The following ST6GALNAC3 variants were observed in gnomAD, a reference collection of about 807,000 sequenced individuals.
ST6GALNAC3 encodes ST6 N-acetylgalactosaminide alpha-2,6-sialyltransferase 3, also known as alpha-N-acetylgalactosaminide alpha-2,6-sialyltransferase 3.
ST6GALNAC3 carries 25 observed loss-of-function variants against 32.7 expected under a neutral mutation model. The ratio of observed to expected loss-of-function variants is 0.76; its 90% CI spans 0.56 to 1.07. The LOEUF is 1.07. ST6GALNAC3 is among the 50% of genes least tolerant of loss of function. The probability of loss-of-function intolerance (pLI) is 0.00; values close to 1 mark genes in which losing one functional copy is unlikely to be tolerated. For missense variants in ST6GALNAC3, 355 were observed against 382.4 expected, an observed-to-expected ratio of 0.93 and a Z score of 0.60; for synonymous variants, 129 against 133.1, an observed-to-expected ratio of 0.97 and a Z score of 0.21.
At chr1:76,114,929 A>AG (rs1327145248) in intron 1 of ST6GALNAC3, among the ~76,000 whole-genome samples, 18 of 151,776 alleles carry the variant, frequency 1.2e-4, no homozygotes, top group South Asian at 4.1e-4. Flanking sequence ...AAAAAAAAAA[A>AG]AAAAAGAAAA....
At chr1:76,517,135 T>A (rs1233714973) in intron 3 of ST6GALNAC3, among the ~76,000 whole-genome samples, 1 of 151,866 alleles carries the variant, frequency 6.6e-6, no homozygotes, top group African/African-American at 2.4e-5. Context: ...TGATTAATAA[T>A]CATTAGGATT....
At chr1:76,129,247 G>A (rs905143837) in intron 1 of ST6GALNAC3, among the ~76,000 whole-genome samples, 9 of 152,300 alleles carry the variant, frequency 5.9e-5, no homozygotes, top group African/African-American at 2.2e-4. Context: ...TAACTTCCAA[G>A]TTAGAGTAAG....
chr1:76,500,283 T>C (rs1264266220), intron 3 of ST6GALNAC3, among the ~76,000 whole-genome samples: 2 of 152,210 alleles, frequency 1.3e-5, no homozygotes, highest in African/African-American at 2.4e-5. Flanking sequence ...TTCTGAGTCA[T>C]CTGATACATA....
At chr1:76,129,758 A>G (rs932381570) in intron 1 of ST6GALNAC3, among the ~76,000 whole-genome samples, 5 of 152,190 alleles carry the variant, frequency 3.3e-5, no homozygotes, top group Admixed American at 3.3e-4. Flanking sequence ...TGGTACCAGC[A>G]TTCACATGCA....
At chr1:76,283,504 A>T (rs991071756) in intron 1 of ST6GALNAC3, among the ~76,000 whole-genome samples, 1 of 152,198 alleles carries the variant, frequency 6.6e-6, no homozygotes, top group Admixed American at 6.5e-5. Context: ...GGAGGAAGGC[A>T]TGAGGGGTCA....
chr1:76,341,614 T>TTTCTTTCG, intron 2 of ST6GALNAC3, among the ~76,000 whole-genome samples: 1 of 95,936 alleles, frequency 1.0e-5, no homozygotes, highest in East Asian at 3.3e-4. Context: ...CTTTTCTTTC[T>TTTCTTTCG]TTCTTTCTTT....
chr1:76,378,768 A>C (rs1270477334), intron 2 of ST6GALNAC3, among the ~76,000 whole-genome samples: 2 of 152,078 alleles, frequency 1.3e-5, no homozygotes, highest in African/African-American at 4.8e-5. Flanking sequence ...ATCTTAGGCT[A>C]TTGTAACCAT....
In ST6GALNAC3 at chr1:76,556,408, A is replaced by G. The variant is rs1339602095; in HGVS notation, c.624-71044A>G. ...GGATAAATACCTGCCTGTGAGTGGA[A>G]TTGCTGGTGCTTATACTAACTCTAT... On this transcript the variant is annotated intron_variant, in intron 3 of 4. Coordinates refer to ENST00000328299, the MANE Select transcript of ST6GALNAC3 (RefSeq NM_152996.4). Among the ~76,000 whole-genome samples, 4 of 152,176 alleles carry G rather than the reference A, an allele frequency of 2.6e-5. No individual in the cohort carries two copies. In the East Asian group the frequency reaches 7.7e-4, roughly 29 times the overall value.
chr1:76,172,892 T>C (rs1652613567), intron 1 of ST6GALNAC3, among the ~76,000 whole-genome samples: 1 of 152,194 alleles, frequency 6.6e-6, no homozygotes, highest in Non-Finnish European at 1.5e-5. Flanking sequence ...ATTAATATCA[T>C]GAAAATGGTC....
chr1:76,520,309 TCATA>T (rs1662439925), intron 3 of ST6GALNAC3, among the ~76,000 whole-genome samples: 1 of 152,140 alleles, frequency 6.6e-6, no homozygotes, highest in Non-Finnish European at 1.5e-5. Flanking sequence ...TAAGGATAGG[TCATA>T]GCCTCTTGTA....
chr1:76,334,804 A>G (rs76567697), intron 2 of ST6GALNAC3, among the ~76,000 whole-genome samples: 115 of 152,280 alleles, frequency 7.6e-4, no homozygotes, highest in Non-Finnish European at 1.3e-3. Flanking sequence ...TAAAACACCA[A>G]TTGATGGGCC....
chr1:76,338,529 C>T (rs1385595116), intron 2 of ST6GALNAC3, among the ~76,000 whole-genome samples: 9 of 152,196 alleles, frequency 5.9e-5, no homozygotes, highest in African/African-American at 2.2e-4. Context: ...AGTAGGTCTG[C>T]TTCCTCTATA....
At chr1:76,579,770 T>G (rs567337867) in intron 3 of ST6GALNAC3, among the ~76,000 whole-genome samples, 1 of 152,080 alleles carries the variant, frequency 6.6e-6, no homozygotes, top group Admixed American at 6.6e-5. Flanking sequence ...TACTTAGTAG[T>G]TAGATCTAGA....
At chr1:76,479,348 G>A (rs985237617) in intron 3 of ST6GALNAC3, among the ~76,000 whole-genome samples, 2 of 152,200 alleles carry the variant, frequency 1.3e-5, no homozygotes, top group African/African-American at 4.8e-5. Context: ...ATTCCCCTGA[G>A]TGTGTATGTG....
intron 3 of ST6GALNAC3, among the ~76,000 whole-genome samples, chr1:76,501,456 C>T (rs746365864): frequency 6.6e-6 from 1 of 152,146 alleles, no homozygotes; most frequent in Non-Finnish European, 1.5e-5. Context: ...TTCCTTCTTT[C>T]TTTTTTCGTC....
chr1:76,404,654 T>C (rs1653687282), intron 2 of ST6GALNAC3, among the ~76,000 whole-genome samples: 1 of 152,072 alleles, frequency 6.6e-6, no homozygotes, highest in African/African-American at 2.4e-5. Context: ...GGGGAATAAA[T>C]GACAGCAAAC....
intron 1 of ST6GALNAC3, among the ~76,000 whole-genome samples, chr1:76,154,413 C>T (rs988815910): frequency 6.6e-6 from 1 of 152,172 alleles, no homozygotes; most frequent in Admixed American, 6.5e-5. Flanking sequence ...TGTGTCTCAG[C>T]TTCTACTTTC....
intron 2 of ST6GALNAC3, among the ~76,000 whole-genome samples, chr1:76,402,312 A>G (rs573229433): frequency 6.6e-6 from 1 of 152,324 alleles, no homozygotes; most frequent in Non-Finnish European, 1.5e-5. Flanking sequence ...CTTAGAATGT[A>G]CAATGTAAAT....
chr1:76,318,464 G>A lies in ST6GALNAC3; in HGVS notation c.213+4465G>A, dbSNP rs148524965. On this transcript the variant is annotated intron_variant, in intron 2 of 4. Transcript: ENST00000328299. ...AATTCTGAAAGTCTTCGCTGGCCAC[G>A]GAGCCCCAAATTTCTCATCAACACG... 4.0e-4 allele frequency among the ~76,000 whole-genome samples: 61 copies of A among 152,156 alleles called. No individual in the cohort carries two copies. The East Asian group carries it at 0.011, about 28-fold the overall frequency.
Sources: gnomAD v4.1 joint callset for allele counts (sites outside exome capture counted in the v4.1 genomes callset) on GRCh38, gnomAD v4.1.1 for gene constraint, MANE v1.5 for transcripts, NCBI Gene and HGNC (gene_info 2026-07-23, HGNC 2026-07-21) for gene names.